NREP: variants seen among roughly 807,000 people sequenced by gnomAD.
NREP encodes neuronal regeneration related protein, also known as neuronal regeneration-related protein.
In NREP, 5 loss-of-function variants were observed where a neutral mutation model predicts 8.6. The observed-to-expected ratio is 0.58, with a 90% CI of 0.30 to 1.22. The LOEUF (loss-of-function observed/expected upper bound fraction) is 1.22. Ranked by LOEUF, NREP falls within the 50% of genes most tolerant of loss-of-function variation. NREP has a pLI of 0.07. For missense variants in NREP, 86 were observed against 82.5 expected (o/e 1.04, Z -0.17); for synonymous variants, 27 against 28.0 (o/e 0.96, Z 0.11).
chr5:111,886,116 A>T (rs1754239465), intron 2 of NREP, among the ~76,000 whole-genome samples: 8 of 152,208 alleles, frequency 5.3e-5, no homozygotes, highest in Admixed American at 5.2e-4. Flanking sequence ...GAACTCAAAC[A>T]AATTTACAAG....
At chr5:111,795,937 C>G (rs1026217374) in intron 2 of NREP, among the ~76,000 whole-genome samples, 2 of 152,194 alleles carry the variant, frequency 1.3e-5, no homozygotes, top group Non-Finnish European at 2.9e-5. Context: ...GGTCTTTGAA[C>G]AGCAAAGCCT....
intron 2 of NREP, among the ~76,000 whole-genome samples, chr5:111,848,508 G>A (rs2112957980): frequency 6.6e-6 from 1 of 152,232 alleles, no homozygotes; most frequent in South Asian, 2.1e-4. Context: ...AGAAAGTGCT[G>A]ATGAATTTGG....
chr5:111,855,366 C>A (rs541975655), intron 2 of NREP, among the ~76,000 whole-genome samples: 4 of 152,112 alleles, frequency 2.6e-5, no homozygotes, highest in Non-Finnish European at 5.9e-5. Flanking sequence ...GCACAGTTGT[C>A]GGCACAGGTA....
exon 1 of NREP, chr5:111,976,836 C>T: frequency 2.2e-6 from 2 of 895,938 alleles, no homozygotes; most frequent in Non-Finnish European, 3.5e-6. Flanking sequence ...CACAGCTCTG[C>T]AGCCCATTCT....
In NREP at chr5:111,730,957, G is replaced by T; in HGVS notation, c.171C>A (p.Leu57=). The change falls in exon 4 of 4, where the codon CTC becomes CTA. Residue 57 remains leucine, a synonymous_variant. Transcript: ENST00000257435. ...GGAGGTAACTGATTCTTGGGGAGCG[G>T]AGTTCACTGCTGCCCAGTGGAGTCA... The part of the protein sequence containing the change: ...ASLTPLGSSE[L]RSPRISYLHF... 2.5e-6 allele frequency: 4 copies of T among 1,613,950 alleles called. No individual in the cohort carries two copies. The highest frequency in any genetic ancestry group is 3.4e-6 in the Non-Finnish European group (4 of 1,179,844).
Position 111,950,443 on chromosome 5 carries a change from C to T in NREP, c.135+24831G>A, listed in dbSNP as rs570796946. Among the ~76,000 whole-genome samples the T allele has an allele frequency of 2.6e-5, 4 of 152,092 alleles. No individual in the cohort carries two copies. The East Asian group carries it at 5.8e-4, about 22-fold the overall frequency. ...ATGTGAAACCCAAAACCTTAAAAAC[C>T]CTGGGAGAAAACCTAGGCAATACCA... On this transcript the variant is annotated intron_variant, in intron 2 of 3. Coordinates refer to the NREP transcript ENST00000395634.
chr5:111,790,069 A>G (rs1038676277), intron 2 of NREP, among the ~76,000 whole-genome samples: 17 of 152,126 alleles, frequency 1.1e-4, no homozygotes, highest in Non-Finnish European at 2.2e-4. Flanking sequence ...ATGAGCAAAT[A>G]ATAAAATAAA....
At chr5:111,847,572 C>G (rs1173262178) in intron 2 of NREP, among the ~76,000 whole-genome samples, 1 of 152,106 alleles carries the variant, frequency 6.6e-6, no homozygotes, top group Non-Finnish European at 1.5e-5. Flanking sequence ...ACTATACTAA[C>G]TCATAGTGTC....
intron 2 of NREP, among the ~76,000 whole-genome samples, chr5:111,896,765 C>CT (rs1754520591): frequency 6.6e-6 from 1 of 152,098 alleles, no homozygotes; most frequent in South Asian, 2.1e-4. Context: ...AAATCTTGAG[C>CT]AAACACCCCT....
chr5:111,759,174 G>A (rs796355966), upstream of NREP, among the ~76,000 whole-genome samples: 1 of 152,288 alleles, frequency 6.6e-6, no homozygotes, highest in East Asian at 1.9e-4. Flanking sequence ...CCAACACGCT[G>A]CTCAAGGGCA....
intron 2 of NREP, among the ~76,000 whole-genome samples, chr5:111,950,308 A>G (rs1756119083): frequency 1.3e-5 from 2 of 152,114 alleles, no homozygotes; most frequent in Non-Finnish European, 2.9e-5. Context: ...AGGATTCCCT[A>G]TTTAATAAAT....
chr5:111,969,196 TA>T (rs985663635), intron 2 of NREP, among the ~76,000 whole-genome samples: 18 of 152,340 alleles, frequency 1.2e-4, no homozygotes, highest in African/African-American at 3.8e-4. Flanking sequence ...ATGACACGGT[TA>T]AAAATATTGA....
chr5:111,895,297 G>C (rs1754481754), intron 2 of NREP, among the ~76,000 whole-genome samples: 1 of 152,124 alleles, frequency 6.6e-6, no homozygotes, highest in African/African-American at 2.4e-5. Context: ...AACGGGGAAG[G>C]GACAGACAAA....
At chr5:111,847,557 T>C (rs554506676) in intron 2 of NREP, among the ~76,000 whole-genome samples, 1 of 152,326 alleles carries the variant, frequency 6.6e-6, no homozygotes, top group African/African-American at 2.4e-5. Context: ...TAGTGGGATT[T>C]ATAAACTATA....
chr5:111,791,507 C>A (rs535758709), intron 2 of NREP, among the ~76,000 whole-genome samples: 1 of 152,232 alleles, frequency 6.6e-6, no homozygotes, highest in East Asian at 1.9e-4. Context: ...GAGACAGGGT[C>A]TCACTCTGTC....
intron 2 of NREP, among the ~76,000 whole-genome samples, chr5:111,826,412 T>C (rs1379103826): frequency 1.3e-5 from 2 of 152,188 alleles, no homozygotes; most frequent in Non-Finnish European, 2.9e-5. Flanking sequence ...TGGCTGCTGC[T>C]CAGTGTTTGG....
chr5:111,775,876 A>G (rs1344028172), intron 2 of NREP, among the ~76,000 whole-genome samples: 3 of 152,164 alleles, frequency 2.0e-5, no homozygotes, highest in African/African-American at 4.8e-5. Context: ...CAAGAACCTA[A>G]TAAGGGGTGA....
chr5:111,969,522 T>G (rs1756742058), intron 2 of NREP: 1 of 152,160 alleles, frequency 6.6e-6, no homozygotes, highest in Non-Finnish European at 1.5e-5. Flanking sequence ...ATAACCTAAA[T>G]GAGAAAGGAA....
Position 111,747,762 on chromosome 5 carries a change from TAA to T in NREP, c.3+8006_3+8007del, listed in dbSNP as rs1289185152. ...ATTTACTCCTTCTCCTTCTTGAATA[TAA>T]GTTATATTTATATTTTGCTCCATGA... On this transcript the variant is annotated intron_variant, in intron 2 of 3. Transcript: ENST00000257435. Among the ~76,000 whole-genome samples the T allele has an allele frequency of 3.3e-5, 5 of 152,274 alleles. No homozygotes were observed. In the East Asian group the frequency reaches 7.7e-4, roughly 24 times the overall value.
Sources: gnomAD v4.1 joint callset for allele counts (sites outside exome capture counted in the v4.1 genomes callset) on GRCh38, gnomAD v4.1.1 for gene constraint, MANE v1.5 for transcripts, NCBI Gene and HGNC (gene_info 2026-07-23, HGNC 2026-07-21) for gene names.